The following NKAIN2 variants were observed in gnomAD, a reference collection of about 807,000 sequenced individuals.
NKAIN2 encodes the protein sodium/potassium transporting ATPase interacting 2.
In NKAIN2, 14 loss-of-function variants were observed where a neutral mutation model predicts 32.6. The observed-to-expected ratio is 0.43, with a 90% CI of 0.28 to 0.67. The LOEUF (loss-of-function observed/expected upper bound fraction) is 0.67, where lower values mean the gene tolerates loss of function less well. Ranked by LOEUF, NKAIN2 falls within the 30% of genes least tolerant of loss-of-function variation. The pLI is 0.17. For synonymous variants in NKAIN2, 80 were observed against 87.2 expected (o/e 0.92, Z 0.46); for missense variants, 198 against 258.3 (o/e 0.77, Z 1.60).
chr6:124,784,777 G>A (rs2114793474), intron 4 of NKAIN2, among the ~76,000 whole-genome samples: 1 of 152,138 alleles, frequency 6.6e-6, no homozygotes, highest in South Asian at 2.1e-4. Context: ...GGATCATATG[G>A]TAGTTGCGTG....
At chr6:124,430,221 A>G (rs1051017456) in intron 3 of NKAIN2, among the ~76,000 whole-genome samples, 4 of 152,216 alleles carry the variant, frequency 2.6e-5, no homozygotes, top group Non-Finnish European at 4.4e-5. Context: ...ATGCTATGAT[A>G]TTTGAGAAAA....
At chr6:123,931,021 G>A (rs1183886865) in intron 1 of NKAIN2, among the ~76,000 whole-genome samples, 5 of 151,936 alleles carry the variant, frequency 3.3e-5, no homozygotes, top group Admixed American at 2.0e-4. Context: ...CGATGAAGGC[G>A]GGGCAGGTGT....
intron 1 of NKAIN2, among the ~76,000 whole-genome samples, chr6:124,216,185 G>A: frequency 6.6e-6 from 1 of 151,522 alleles, no homozygotes; most frequent in East Asian, 1.9e-4. Context: ...GAGTATGGGA[G>A]AATGGGAGTA....
chr6:124,775,200 G>A (rs1000322275), intron 4 of NKAIN2, among the ~76,000 whole-genome samples: 3 of 152,170 alleles, frequency 2.0e-5, no homozygotes, highest in Non-Finnish European at 2.9e-5. Context: ...TGGACTGGGA[G>A]TGAGGAAAAA....
intron 4 of NKAIN2, among the ~76,000 whole-genome samples, chr6:124,772,709 G>A (rs534474162): frequency 5.9e-5 from 9 of 152,248 alleles, no homozygotes; most frequent in African/African-American, 2.2e-4. Flanking sequence ...GGAACGAATA[G>A]AGAAATATGT....
chr6:124,322,943 T>G (rs1797256343), intron 2 of NKAIN2, among the ~76,000 whole-genome samples: 1 of 152,212 alleles, frequency 6.6e-6, no homozygotes, highest in Non-Finnish European at 1.5e-5. Flanking sequence ...GGTATGGGCA[T>G]ATATTTATTT....
intron 1 of NKAIN2, among the ~76,000 whole-genome samples, chr6:123,922,675 A>G (rs1024067191): frequency 6.6e-6 from 1 of 152,132 alleles, no homozygotes; most frequent in South Asian, 2.1e-4. Context: ...CAATTTTCTC[A>G]ATGTGCATGG....
intron 1 of NKAIN2, among the ~76,000 whole-genome samples, chr6:124,119,129 G>C (rs1785754717): frequency 6.6e-6 from 1 of 152,066 alleles, no homozygotes; most frequent in African/African-American, 2.4e-5. Context: ...TACCATGTAA[G>C]GGTACTATAT....
intron 1 of NKAIN2, among the ~76,000 whole-genome samples, chr6:124,101,839 G>A (rs138632920): frequency 1.5e-4 from 23 of 152,302 alleles, no homozygotes; most frequent in African/African-American, 5.5e-4. Flanking sequence ...AACCTGCTCA[G>A]TGAGGCAGGG....
At chr6:124,762,091 A>C (rs1778295142) in intron 4 of NKAIN2, among the ~76,000 whole-genome samples, 2 of 152,312 alleles carry the variant, frequency 1.3e-5, no homozygotes, top group South Asian at 4.1e-4. Context: ...CTGCTATAAC[A>C]AAATACCACA....
At chr6:124,299,477 A>G (rs947210300) in intron 2 of NKAIN2, among the ~76,000 whole-genome samples, 8 of 152,124 alleles carry the variant, frequency 5.3e-5, no homozygotes, top group Non-Finnish European at 2.9e-5. Context: ...GATTTTTTTT[A>G]AAGAGTGGTA....
At chr6:124,576,595 G>A (rs1781343907) in intron 3 of NKAIN2, among the ~76,000 whole-genome samples, 1 of 152,098 alleles carries the variant, frequency 6.6e-6, no homozygotes, top group African/African-American at 2.4e-5. Context: ...GCACAGCTCA[G>A]TGAACCAATA....
intron 1 of NKAIN2, among the ~76,000 whole-genome samples, chr6:124,206,848 C>G (rs916849634): frequency 2.0e-5 from 3 of 151,756 alleles, no homozygotes; most frequent in Non-Finnish European, 4.4e-5. Context: ...GTCAGTTTAG[C>G]TTCCAGCCTC....
At chr6:123,832,054 T>C (rs1161453470) in intron 1 of NKAIN2, among the ~76,000 whole-genome samples, 2 of 152,190 alleles carry the variant, frequency 1.3e-5, no homozygotes, top group Non-Finnish European at 2.9e-5. Context: ...GACAAATGCA[T>C]AGTGGCCAGT....
At chr6:124,372,640 G>A (rs1583146316) in intron 3 of NKAIN2, among the ~76,000 whole-genome samples, 1 of 152,210 alleles carries the variant, frequency 6.6e-6, no homozygotes, top group East Asian at 1.9e-4. Context: ...TACCATATAT[G>A]GTGATTTTGC....
chr6:124,373,427 T>G (rs10872287), intron 3 of NKAIN2, among the ~76,000 whole-genome samples: 31,220 of 152,090 alleles, frequency 0.21, 3,392 homozygotes, highest in Admixed American at 0.29. Context: ...AGCAGTGTTG[T>G]CAAGCAGGGT....
At chr6:124,734,429 T>G (rs1211471746) in intron 4 of NKAIN2, among the ~76,000 whole-genome samples, 1 of 151,104 alleles carries the variant, frequency 6.6e-6, no homozygotes, top group African/African-American at 2.4e-5. Context: ...CTCACCATGT[T>G]TCTCCTTTGC....
chr6:124,803,754 T>C (rs1383852199), intron 5 of NKAIN2, among the ~76,000 whole-genome samples: 1 of 152,146 alleles, frequency 6.6e-6, no homozygotes, highest in African/African-American at 2.4e-5. Context: ...TACAAAGTTC[T>C]CTCTTTTGAG....
intron 4 of NKAIN2, among the ~76,000 whole-genome samples, chr6:124,778,294 C>T (rs937672108): frequency 6.6e-5 from 10 of 151,434 alleles, no homozygotes; most frequent in East Asian, 1.9e-4. Context: ...ATTAAAATGC[C>T]GAGTTTAAGG....
Sources: gnomAD v4.1 joint callset for allele counts (sites outside exome capture counted in the v4.1 genomes callset) on GRCh38, gnomAD v4.1.1 for gene constraint, MANE v1.5 for transcripts, NCBI Gene and HGNC (gene_info 2026-07-23, HGNC 2026-07-21) for gene names.